The following CCSER1 variants were observed in gnomAD, a reference collection of about 807,000 sequenced individuals.
CCSER1 encodes the protein coiled-coil serine rich protein 1, also known as serine-rich coiled-coil domain-containing protein 1.
In CCSER1, 41 loss-of-function variants were observed where a neutral mutation model predicts 82.0. The observed-to-expected ratio is 0.50, with a 90% CI of 0.39 to 0.65. The LOEUF (loss-of-function observed/expected upper bound fraction) is 0.65. CCSER1 is among the 30% of genes least tolerant of loss of function. The pLI is 0.00. For synonymous variants in CCSER1, 414 were observed against 383.9 expected (o/e 1.08, Z -0.92); for missense variants, 1,119 against 1,064.2 (o/e 1.05, Z -0.72).
chr4:90,235,484 C>T (rs2153431142), intron 1 of CCSER1: 1 of 152,296 alleles, frequency 6.6e-6, no homozygotes, highest in African/African-American at 2.4e-5. Context: ...GCCCTGGAAA[C>T]AGGAACATAA....
At chr4:90,307,671 A>G (rs936431555) in intron 1 of CCSER1, among the ~76,000 whole-genome samples, 12 of 152,074 alleles carry the variant, frequency 7.9e-5, no homozygotes, top group African/African-American at 2.9e-4. Flanking sequence ...AAGAGAAGAA[A>G]AAAAGTCTAT....
At chr4:90,959,109 T>G (rs1368118371) in intron 9 of CCSER1, among the ~76,000 whole-genome samples, 1 of 152,192 alleles carries the variant, frequency 6.6e-6, no homozygotes, top group Non-Finnish European at 1.5e-5. Context: ...AGTTATCTGT[T>G]GAACAGATGT....
At position 90,501,479 on chromosome 4, in the gene CCSER1, T is replaced by C. The variant is rs531562649; in HGVS notation, c.1724+33125T>C. Among the ~76,000 whole-genome samples the C allele has an allele frequency of 7.2e-5, 11 of 152,316 alleles. No homozygotes were observed. In the South Asian group the frequency reaches 2.3e-3, roughly 32 times the overall value. On this transcript the variant is annotated intron_variant, in intron 5 of 10. Coordinates refer to ENST00000509176, the MANE Select transcript of CCSER1 (RefSeq NM_001145065.2). ...ATAATTGCTTCTCGTTTGTCTCCACTCTTTTCGTTTTGCTTCGACTGTCCA... is the reference window on the plus strand; with the variant it reads ...ATAATTGCTTCTCGTTTGTCTCCACCCTTTTCGTTTTGCTTCGACTGTCCA...
intron 10 of CCSER1, among the ~76,000 whole-genome samples, chr4:91,129,595 A>G (rs1388997500): frequency 6.6e-6 from 1 of 152,060 alleles, no homozygotes; most frequent in East Asian, 1.9e-4. Context: ...GGACCAAAAT[A>G]AGAATGTCTA....
chr4:91,388,383 C>A (rs910543852), intron 10 of CCSER1, among the ~76,000 whole-genome samples: 1 of 152,030 alleles, frequency 6.6e-6, no homozygotes, highest in Non-Finnish European at 1.5e-5. Flanking sequence ...GTACCATTAT[C>A]TGAGTGAACG....
intron 8 of CCSER1, among the ~76,000 whole-genome samples, chr4:90,871,221 A>G (rs1331578110): frequency 6.6e-6 from 1 of 151,526 alleles, no homozygotes; most frequent in Non-Finnish European, 1.5e-5. Flanking sequence ...AGCTAATTTT[A>G]CATTTGCGAT....
At chr4:90,612,188 T>C (rs1785600327) in intron 5 of CCSER1, among the ~76,000 whole-genome samples, 1 of 152,134 alleles carries the variant, frequency 6.6e-6, no homozygotes, top group African/African-American at 2.4e-5. Flanking sequence ...GAAGTTTTTG[T>C]TTATCTCAAG....
At chr4:91,404,129 G>C (rs184983303) in intron 10 of CCSER1, among the ~76,000 whole-genome samples, 1 of 152,100 alleles carries the variant, frequency 6.6e-6, no homozygotes, top group African/African-American at 2.4e-5. Context: ...TCTTGGGAGG[G>C]TGTATGTGTC....
chr4:90,546,449 T>A (rs1211270328), intron 5 of CCSER1, among the ~76,000 whole-genome samples: 1 of 152,158 alleles, frequency 6.6e-6, no homozygotes, highest in African/African-American at 2.4e-5. Context: ...ATCCCAGGGA[T>A]CAGAGATATG....
chr4:91,543,362 T>C (rs1761709451), intron 10 of CCSER1, among the ~76,000 whole-genome samples: 1 of 152,206 alleles, frequency 6.6e-6, no homozygotes, highest in Non-Finnish European at 1.5e-5. Context: ...AGCTGGTTAT[T>C]TTGCTTGTTA....
At chr4:91,384,415 G>A (rs1003736075) in intron 10 of CCSER1, among the ~76,000 whole-genome samples, 1 of 15,690 alleles carries the variant, frequency 6.4e-5, no homozygotes, top group Non-Finnish European at 1.1e-4. Context: ...AGATTAAAAT[G>A]CAACATGATA....
At chr4:91,388,463 C>A (rs10856886) in intron 10 of CCSER1, among the ~76,000 whole-genome samples, 1 of 151,894 alleles carries the variant, frequency 6.6e-6, no homozygotes, top group Non-Finnish European at 1.5e-5. Flanking sequence ...TATATGTTTA[C>A]TTTGTAAGAA....
chr4:91,093,532 C>G (rs1724190065), intron 10 of CCSER1, among the ~76,000 whole-genome samples: 2 of 152,160 alleles, frequency 1.3e-5, no homozygotes, highest in Admixed American at 1.3e-4. Context: ...TTAAGTTTTG[C>G]CCAAGGGTTA....
chr4:90,674,216 G>A lies in CCSER1; in HGVS notation c.1932+45984G>A, dbSNP rs56897025. 7.3e-3 allele frequency among the ~76,000 whole-genome samples: 1,110 copies of A among 151,954 alleles called. 14 individuals carry two copies. Among genetic ancestry groups the A allele is most frequent in the African/African-American group, 0.026 (1,064 of 41,476 alleles). ...TGTTTTTTTCAATAGAGAGAATTAT[G>A]CTTCATATTTTAAATTTTTCTTTGT... On this transcript the variant is annotated intron_variant, in intron 6 of 10. Coordinates refer to ENST00000509176, the MANE Select transcript of CCSER1 (RefSeq NM_001145065.2).
In CCSER1 at chr4:90,932,987, A is replaced by G. The variant is rs1350854754; in HGVS notation, c.2172+9540A>G. Among the ~76,000 whole-genome samples, 111 of 26,096 alleles carry G rather than the reference A, an allele frequency of 4.3e-3. 28 individuals are homozygous for G. The highest frequency in any genetic ancestry group is 6.3e-3 in the Non-Finnish European group (80 of 12,768). The allele number at this position is 26,096 out of a possible 152,430, so 17.1% of individuals were successfully genotyped here. A position where few individuals can be genotyped will look rare whatever the true frequency, so the allele number is the denominator to read the frequency against. On this transcript the variant is annotated intron_variant, in intron 9 of 10. Transcript: ENST00000509176. Reference sequence around the variant, plus strand: ...GAAAGAAAGAAAGAAAGAAAGAGAAAGAAAGAAAGAAAGAAAGAAAGAAAG... The same window carrying G: ...GAAAGAAAGAAAGAAAGAAAGAGAAGGAAAGAAAGAAAGAAAGAAAGAAAG...
intron 10 of CCSER1, among the ~76,000 whole-genome samples, chr4:91,324,677 T>C (rs1746427367): frequency 1.3e-5 from 2 of 152,162 alleles, no homozygotes; most frequent in Non-Finnish European, 2.9e-5. Context: ...CCTAGAGTTG[T>C]TTGAATAAAT....
At chr4:91,499,021 G>T (rs1759072652) in intron 10 of CCSER1, among the ~76,000 whole-genome samples, 1 of 151,836 alleles carries the variant, frequency 6.6e-6, no homozygotes, top group African/African-American at 2.4e-5. Context: ...ACAATGCCAA[G>T]ATAACATCCT....
At chr4:91,408,053 C>A (rs1163092430) in intron 10 of CCSER1, among the ~76,000 whole-genome samples, 1 of 151,872 alleles carries the variant, frequency 6.6e-6, no homozygotes, top group Non-Finnish European at 1.5e-5. Context: ...AAAAAAAAAG[C>A]CCTCAGGCCA....
chr4:90,170,895 G>T (rs761874871), intron 1 of CCSER1, among the ~76,000 whole-genome samples: 2 of 151,758 alleles, frequency 1.3e-5, no homozygotes, highest in African/African-American at 4.8e-5. Flanking sequence ...CAGTGGGATT[G>T]CTGGATCATA....
Sources: gnomAD v4.1 joint callset for allele counts (sites outside exome capture counted in the v4.1 genomes callset) on GRCh38, gnomAD v4.1.1 for gene constraint, MANE v1.5 for transcripts, NCBI Gene and HGNC (gene_info 2026-07-23, HGNC 2026-07-21) for gene names.